SLC4A5: variants seen among roughly 807,000 people sequenced by gnomAD.
SLC4A5 encodes solute carrier family 4 member 5.
Under a neutral mutation model 120.4 loss-of-function variants are expected in SLC4A5, and 96 were observed. That is an observed-to-expected ratio of 0.80 (90% CI 0.68 to 0.94). The LOEUF (loss-of-function observed/expected upper bound fraction) is 0.94, where lower values mean the gene tolerates loss of function less well. Among genes scored for constraint, SLC4A5 ranks in the 40% least tolerant of loss-of-function variants. SLC4A5 has a pLI of 0.00. For synonymous variants in SLC4A5, 550 were observed against 571.1 expected (o/e 0.96, Z 0.53); for missense variants, 1,259 against 1,459.5 (o/e 0.86, Z 2.24).
chr2:74,335,871 T>G (rs1419797847), intron 3 of SLC4A5, among the ~76,000 whole-genome samples: 1 of 152,144 alleles, frequency 6.6e-6, no homozygotes. Context: ...AGGGCAAATA[T>G]GCTTAAGTTC....
In SLC4A5 at chr2:74,250,419, A is replaced by G; in HGVS notation, c.1577T>C (p.Leu526Pro). ...GGTGATACAGCCGAGGTAGATGAAT[A>G]GGATGGCAGAGATGGACTGAATGTG... The change falls in exon 17 of 31, where the codon CTA becomes CCA. Residue 526 changes from leucine (L) to proline (P), a missense_variant. Leu to Pro is a moderately conservative substitution (Grantham distance 98). Transcript: ENST00000394019. The G allele has an allele frequency of 6.2e-7, 1 of 1,614,228 alleles. No homozygotes were observed. The highest frequency in any genetic ancestry group is 1.3e-5 in the African/African-American group (1 of 75,056).
exon 31 of SLC4A5, chr2:74,216,357 C>G (rs1361516443): frequency 6.6e-6 from 1 of 152,092 alleles, no homozygotes; most frequent in Non-Finnish European, 1.5e-5. Context: ...TTAAAATGTT[C>G]ATGTATATAC....
At chr2:74,227,367 C>T in intron 26 of SLC4A5, 1 of 1,219,466 alleles carries the variant, frequency 8.2e-7, no homozygotes, top group Non-Finnish European at 1.1e-6. Context: ...ACAAAATGGA[C>T]ATTGTCCATA....
chr2:74,269,725 G>C (rs1671415752), intron 8 of SLC4A5, among the ~76,000 whole-genome samples: 2 of 152,110 alleles, frequency 1.3e-5, no homozygotes, highest in Admixed American at 1.3e-4. Context: ...ATGTGGCCCA[G>C]TGCATGGGGC....
intron 7 of SLC4A5, among the ~76,000 whole-genome samples, chr2:74,300,545 A>C (rs1189466917): frequency 6.6e-6 from 1 of 152,170 alleles, no homozygotes; most frequent in Non-Finnish European, 1.5e-5. Flanking sequence ...TTTTCTAGCT[A>C]ATTTTTACCT....
At chr2:74,233,318 AAAG>A (rs1670157192) in intron 23 of SLC4A5, 81 bp downstream of exon 23, 4 of 1,517,666 alleles carry the variant, frequency 2.6e-6, no homozygotes, top group Admixed American at 1.7e-5. Flanking sequence ...CAAAGTACTG[AAAG>A]AAGCATCATG....
intron 21 of SLC4A5, among the ~76,000 whole-genome samples, chr2:74,237,705 C>T (rs974851774): frequency 6.6e-6 from 1 of 152,022 alleles, no homozygotes; most frequent in Non-Finnish European, 1.5e-5. Context: ...TTAAATTCTT[C>T]CGAGTACCCC....
In SLC4A5 at chr2:74,246,214, C is replaced by T. The variant is rs1436857491; in HGVS notation, c.2059+822G>A. Among the ~76,000 whole-genome samples the T allele has an allele frequency of 3.9e-5, 6 of 152,184 alleles. No individual in the cohort carries two copies. In the South Asian group the frequency reaches 8.3e-4, roughly 21 times the overall value. On this transcript the variant is annotated intron_variant, in intron 19 of 30. Coordinates refer to ENST00000394019, the Ensembl canonical transcript of SLC4A5. Reference sequence around the variant, plus strand: ...TCCACAGGAGTGGCACTGGGTGTTACCAGGTTGACCCCATCTGTACAGGGA... The same window carrying T: ...TCCACAGGAGTGGCACTGGGTGTTATCAGGTTGACCCCATCTGTACAGGGA...
At chr2:74,305,760 T>C (rs1446948143) in intron 6 of SLC4A5, among the ~76,000 whole-genome samples, 3 of 136,072 alleles carry the variant, frequency 2.2e-5, no homozygotes, top group Non-Finnish European at 3.1e-5. Flanking sequence ...AGTCTTGCCC[T>C]GTCGCCCAGG....
intron 8 of SLC4A5, among the ~76,000 whole-genome samples, chr2:74,273,653 T>C (rs1266415283): frequency 6.6e-6 from 1 of 152,234 alleles, no homozygotes; most frequent in Non-Finnish European, 1.5e-5. Context: ...GTAAGAAATG[T>C]AAGTTTTCCT....
intron 2 of SLC4A5, among the ~76,000 whole-genome samples, chr2:74,342,143 C>G (rs543658947): frequency 5.9e-5 from 9 of 152,182 alleles, no homozygotes; most frequent in African/African-American, 2.2e-4. Context: ...GAAGGAAACC[C>G]AAGACCAGTT....
intron 25 of SLC4A5, among the ~76,000 whole-genome samples, chr2:74,228,156 G>T (rs1694915708): frequency 6.6e-6 from 1 of 152,202 alleles, no homozygotes; most frequent in Admixed American, 6.5e-5. Context: ...TCTGGCTAAA[G>T]AAATGCCTTC....
chr2:74,248,490 G>C lies in SLC4A5; in HGVS notation c.1654-4C>G. On this transcript the variant is annotated splice_region_variant and splice_polypyrimidine_tract_variant and intron_variant, in intron 17 of 30. Transcript: ENST00000394019. ...CCAGGAAGCTCTCCATCACTCCCTGGGGGCACAAGGAATGTGTGGTTCAGC... is the reference window on the plus strand; with the variant it reads ...CCAGGAAGCTCTCCATCACTCCCTGCGGGCACAAGGAATGTGTGGTTCAGC... 1.2e-6 allele frequency: 2 copies of C among 1,613,846 alleles called. No homozygotes were observed. The highest frequency in any genetic ancestry group is 1.7e-6 in the Non-Finnish European group (2 of 1,179,894).
At chr2:74,294,539 T>C (rs1379582873) in intron 7 of SLC4A5, among the ~76,000 whole-genome samples, 3 of 152,184 alleles carry the variant, frequency 2.0e-5, no homozygotes, top group Non-Finnish European at 4.4e-5. Flanking sequence ...TGCTCTGCTT[T>C]TTCCTTCCAA....
intron 5 of SLC4A5, among the ~76,000 whole-genome samples, chr2:74,320,727 G>A (rs1180062576): frequency 2.6e-5 from 4 of 152,080 alleles, no homozygotes; most frequent in African/African-American, 9.7e-5. Context: ...ACAAAAGATA[G>A]GCAAAGGAAA....
At chr2:74,291,851 C>T (rs1033867756) in intron 7 of SLC4A5, among the ~76,000 whole-genome samples, 1 of 152,222 alleles carries the variant, frequency 6.6e-6, no homozygotes, top group African/African-American at 2.4e-5. Flanking sequence ...TCTGCAGCTT[C>T]CACTGCACTG....
intron 7 of SLC4A5, among the ~76,000 whole-genome samples, chr2:74,303,458 T>A (rs937419180): frequency 6.6e-6 from 1 of 152,198 alleles, no homozygotes; most frequent in African/African-American, 2.4e-5. Flanking sequence ...AAATTCATAC[T>A]GTTTATTAGG....
chr2:74,271,274 T>C (rs1671467647), intron 8 of SLC4A5, among the ~76,000 whole-genome samples: 1 of 152,162 alleles, frequency 6.6e-6, no homozygotes, highest in African/African-American at 2.4e-5. Flanking sequence ...TTATTTCTCC[T>C]ATAACACCCT....
At chr2:74,244,080 G>A (rs1237073021) in intron 19 of SLC4A5, among the ~76,000 whole-genome samples, 5 of 152,184 alleles carry the variant, frequency 3.3e-5, no homozygotes, top group Admixed American at 2.0e-4. Flanking sequence ...CCCATGGACC[G>A]GGAAAGAAAC....
Sources: gnomAD v4.1 joint callset for allele counts (sites outside exome capture counted in the v4.1 genomes callset) on GRCh38, gnomAD v4.1.1 for gene constraint, MANE v1.5 for transcripts, NCBI Gene and HGNC (gene_info 2026-07-23, HGNC 2026-07-21) for gene names.